AFDN: variants seen among roughly 807,000 people sequenced by gnomAD.
AFDN encodes the protein afadin, adherens junction formation factor, also known as afadin.
Under a neutral mutation model 216.6 loss-of-function variants are expected in AFDN, and 68 were observed. That is an observed-to-expected ratio of 0.31 (90% CI 0.26 to 0.38). The LOEUF (loss-of-function observed/expected upper bound fraction) is 0.38, where lower values mean the gene tolerates loss of function less well. AFDN is among the 10% of genes least tolerant of loss of function. The pLI is 1.00. For missense variants in AFDN, 2,136 were observed against 2,342.0 expected (o/e 0.91, Z 1.82); for synonymous variants, 868 against 853.7 (o/e 1.02, Z -0.29).
chr6:167,896,279 G>A (rs1788237728), intron 9 of AFDN, among the ~76,000 whole-genome samples: 1 of 151,304 alleles, frequency 6.6e-6, no homozygotes, highest in South Asian at 2.1e-4. Flanking sequence ...TTCTACTCCA[G>A]GGAGCTAACC....
At chr6:167,901,202 AT>A (rs1423980652) in intron 11 of AFDN, among the ~76,000 whole-genome samples, 1 of 152,198 alleles carries the variant, frequency 6.6e-6, no homozygotes, top group Non-Finnish European at 1.5e-5. Flanking sequence ...TTTTTCAAGT[AT>A]TATAACGGGA....
intron 1 of AFDN, among the ~76,000 whole-genome samples, chr6:167,832,925 A>G (rs1268672647): frequency 1.3e-5 from 2 of 152,350 alleles, no homozygotes; most frequent in East Asian, 1.9e-4. Context: ...TAGAGTGGCT[A>G]TGTGGAACCC....
chr6:167,902,394 A>G lies in AFDN; in HGVS notation c.1650+8A>G, dbSNP rs1789097256. On this transcript the variant is annotated splice_region_variant and intron_variant, in intron 12 of 33. Coordinates refer to ENST00000683244, the MANE Select transcript of AFDN (RefSeq NM_001386888.1). ...GCATTACCGACAAGCAAGGTAGGTA[A>G]TTATGGATTACCTGATAGAAGTGTG... 6.2e-7 allele frequency: 1 copy of G among 1,601,660 alleles called. No individual in the cohort carries two copies.
chr6:167,846,993 C>T (rs1258788689), intron 1 of AFDN, among the ~76,000 whole-genome samples: 1 of 152,094 alleles, frequency 6.6e-6, no homozygotes, highest in East Asian at 1.9e-4. Context: ...TATGTCTATA[C>T]TCTGTCAGTT....
intron 6 of AFDN, among the ~76,000 whole-genome samples, chr6:167,884,868 TAG>T (rs1786584608): frequency 1.3e-5 from 2 of 152,194 alleles, no homozygotes; most frequent in African/African-American, 4.8e-5. Flanking sequence ...CCTCTCTAGC[TAG>T]AGAGTCCTAG....
chr6:167,915,799 T>A (rs1023825390), intron 19 of AFDN, among the ~76,000 whole-genome samples: 2 of 152,252 alleles, frequency 1.3e-5, no homozygotes, highest in African/African-American at 4.8e-5. Flanking sequence ...AAACTTTGTT[T>A]CATGCACAAA....
chr6:167,897,222 C>T (rs1168541699), intron 10 of AFDN, among the ~76,000 whole-genome samples: 1 of 152,186 alleles, frequency 6.6e-6, no homozygotes, highest in Admixed American at 6.5e-5. Flanking sequence ...GCTTCCTTTT[C>T]TCTAAAAGAT....
chr6:167,866,435 A>G (rs977277556), intron 2 of AFDN, among the ~76,000 whole-genome samples: 3 of 152,186 alleles, frequency 2.0e-5, no homozygotes, highest in Non-Finnish European at 4.4e-5. Flanking sequence ...TTTTTTAATA[A>G]TGGCACCGCT....
At position 167,944,007 on chromosome 6, in the gene AFDN, C is replaced by G. The variant is rs1794988493; in HGVS notation, c.3306C>G (p.Ile1102Met). ...VTLEVAKQGA[I>M]YHGLATLLNQ... ...TGGAAGTAGCAAAGCAGGGTGCCAT[C>G]TACCACGGTCTGGCCACCCTTCTCA... is the stretch of plus-strand genomic sequence containing the variant. Residue 1102 changes from isoleucine (I) to methionine (M), a missense_variant, in exon 26 of 34, where the codon ATC becomes ATG. Physicochemically the swap from Ile to Met is conservative, Grantham distance 10 (BLOSUM62 1). Coordinates refer to ENST00000683244, the MANE Select transcript of AFDN (RefSeq NM_001386888.1). The G allele has an allele frequency of 6.2e-7, 1 of 1,614,174 alleles. No individual in the cohort carries two copies. The highest frequency in any genetic ancestry group is 2.2e-5 in the East Asian group (1 of 44,886).
chr6:167,884,272 T>C (rs922749745), intron 6 of AFDN, among the ~76,000 whole-genome samples: 1 of 152,196 alleles, frequency 6.6e-6, no homozygotes, highest in African/African-American at 2.4e-5. Flanking sequence ...TGAATCAGTT[T>C]CTTCCAAACT....
intron 32 of AFDN, among the ~76,000 whole-genome samples, chr6:167,967,717 G>A (rs999736274): frequency 6.6e-5 from 10 of 152,118 alleles, no homozygotes; most frequent in Admixed American, 3.9e-4. Flanking sequence ...GGTCATAGCC[G>A]ACATCTGATT....
rs931334176 is a variant in AFDN at position 167,971,108 on chromosome 6, G to C, written c.*1173G>C. 4 of 220,776 alleles carry C rather than the reference G, an allele frequency of 1.8e-5. No homozygotes were observed. Among genetic ancestry groups the C allele is most frequent in the Non-Finnish European group, 3.6e-5 (4 of 110,426 alleles). 13.7% of individuals were successfully genotyped at this position (220,776 alleles called of 1,614,324 possible). On this transcript the variant is annotated 3_prime_UTR_variant, in exon 34 of 34. Transcript: ENST00000683244. ...ACCTCAGTGTGTTTTATATTGTCTGGTGTTAAGATGATAAATTACTTTGTG... is the reference window on the plus strand; with the variant it reads ...ACCTCAGTGTGTTTTATATTGTCTGCTGTTAAGATGATAAATTACTTTGTG...
At chr6:167,893,957 CATGG>C in intron 9 of AFDN, 51 bp downstream of exon 9, 1 of 1,351,692 alleles carries the variant, frequency 7.4e-7, no homozygotes, top group South Asian at 1.3e-5. Flanking sequence ...AATAGAACCT[CATGG>C]GCAGAATAGT....
rs1300782398 is a variant in AFDN at position 167,902,337 on chromosome 6, T to G, written c.1601T>G (p.Phe534Cys). 1 of 1,612,694 alleles carries G rather than the reference T, an allele frequency of 6.2e-7. No individual in the cohort carries two copies. Among genetic ancestry groups the G allele is most frequent in the Non-Finnish European group, 8.5e-7 (1 of 1,179,090 alleles). The change falls in exon 12 of 34, where the codon TTT becomes TGT. Residue 534 changes from phenylalanine to cysteine, a missense_variant. Phe to Cys is a radical substitution (Grantham distance 205, BLOSUM62 -2). Transcript: ENST00000683244. Reference protein sequence around the residue: ...HKPGIVQETTFDLGGDIHSGT... With the variant: ...HKPGIVQETTCDLGGDIHSGT... ...ATCAGAATTGTTCAGGAGACAACTT[T>G]TGATTTGGGAGGAGATATTCATAGT...
chr6:167,829,045 G>C (rs1779536581), intron 1 of AFDN, among the ~76,000 whole-genome samples: 1 of 151,920 alleles, frequency 6.6e-6, no homozygotes, highest in Non-Finnish European at 1.5e-5. Flanking sequence ...AGTTTGCTTT[G>C]TACATACACT....
At chr6:167,868,494 A>T (rs1284264358) in intron 2 of AFDN, among the ~76,000 whole-genome samples, 1 of 152,180 alleles carries the variant, frequency 6.6e-6, no homozygotes, top group Admixed American at 6.5e-5. Context: ...GAAAAAACAA[A>T]GACTTAATCT....
chr6:167,962,341 T>G lies in AFDN; in HGVS notation c.4834-92T>G. 6.5e-7 allele frequency: 1 copy of G among 1,531,670 alleles called. No individual in the cohort carries two copies. Among genetic ancestry groups the G allele is most frequent in the Non-Finnish European group, 8.9e-7 (1 of 1,124,326 alleles). The allele number at this position is 1,531,670 out of a possible 1,614,324, so 94.9% of individuals were successfully genotyped here. On this transcript the variant is annotated intron_variant, in intron 30 of 33. Coordinates refer to ENST00000683244, the MANE Select transcript of AFDN (RefSeq NM_001386888.1). The surrounding 1 kb of genome is among the most constrained non-coding windows in gnomAD (Gnocchi z 5.2). Reference sequence around the variant, plus strand: ...TTAACTTTCTGTGTGTGTGTGTTTGTGTATATGTGTGTCTACTTGTCTTAA... The same window carrying G: ...TTAACTTTCTGTGTGTGTGTGTTTGGGTATATGTGTGTCTACTTGTCTTAA...
intron 1 of AFDN, among the ~76,000 whole-genome samples, chr6:167,858,837 G>T (rs1262776058): frequency 6.6e-6 from 1 of 152,150 alleles, no homozygotes; most frequent in Non-Finnish European, 1.5e-5. Context: ...TTTTATAAAT[G>T]AGGAAACCAA....
chr6:167,829,143 C>T (rs910768273), intron 1 of AFDN, among the ~76,000 whole-genome samples: 7 of 152,062 alleles, frequency 4.6e-5, no homozygotes, highest in Non-Finnish European at 8.8e-5. Context: ...TGAACATTTC[C>T]ATTTTTAGAA....
Sources: gnomAD v4.1 joint callset for allele counts (sites outside exome capture counted in the v4.1 genomes callset) on GRCh38, gnomAD v4.1.1 for gene constraint, Gnocchi (gnomAD v3.1) non-coding constraint, MANE v1.5 for transcripts, NCBI Gene and HGNC (gene_info 2026-07-23, HGNC 2026-07-21) for gene names.